TMEM38B: variants seen among roughly 807,000 people sequenced by gnomAD.
The protein encoded by TMEM38B is transmembrane protein 38B.
A neutral mutation model predicts 28.7 loss-of-function variants in TMEM38B; 24 were observed. The observed-to-expected ratio is 0.84, with a 90% CI of 0.61 to 1.18. The LOEUF is 1.18. Among genes scored for constraint, TMEM38B ranks in the 50% most tolerant of loss-of-function variants. The pLI, the probability that TMEM38B is intolerant of heterozygous loss-of-function variation, is 0.00. For synonymous variants in TMEM38B, 131 were observed against 127.7 expected, an observed-to-expected ratio of 1.03 and a Z score of -0.17; for missense variants, 380 against 350.9, an observed-to-expected ratio of 1.08 and a Z score of -0.66.
chr9:105,746,406 G>A (rs930947297), intron 4 of TMEM38B, among the ~76,000 whole-genome samples: 6 of 152,164 alleles, frequency 3.9e-5, no homozygotes, highest in Non-Finnish European at 8.8e-5. Flanking sequence ...AAGAATGCTC[G>A]TGATTTTTGC....
At chr9:105,726,722 A>AT (rs2133584401) in intron 4 of TMEM38B, among the ~76,000 whole-genome samples, 1 of 152,280 alleles carries the variant, frequency 6.6e-6, no homozygotes, top group Admixed American at 6.5e-5. Context: ...CTATCTTTTA[A>AT]TTGGAGGGCT....
chr9:105,754,681 A>G (rs1837771323), intron 5 of TMEM38B, among the ~76,000 whole-genome samples: 1 of 152,170 alleles, frequency 6.6e-6, no homozygotes, highest in Admixed American at 6.6e-5. Flanking sequence ...ACCTAGAAAG[A>G]TCTCAAGTTA....
At position 105,759,029 on chromosome 9, in the gene TMEM38B, A is replaced by G; in HGVS notation, c.660+10839A>G. ...ATACAAGTAAACATGGAGTAGTTAC[A>G]CTACAAAACAAATCAGATGACCTCC... On this transcript the variant is annotated intron_variant, in intron 5 of 5. Coordinates refer to ENST00000374692, the MANE Select transcript of TMEM38B (RefSeq NM_018112.3). The G allele has an allele frequency of 6.7e-6, 6 of 896,934 alleles. No individual in the cohort carries two copies. The Admixed American group carries it at 1.0e-4, about 15-fold the overall frequency. The allele number at this position is 896,934 out of a possible 1,614,324, so 55.6% of individuals were successfully genotyped here. A position where few individuals can be genotyped will look rare whatever the true frequency, so the allele number is the denominator to read the frequency against.
At chr9:105,754,063 CAAAG>C (rs1427817057) in intron 5 of TMEM38B, among the ~76,000 whole-genome samples, 3 of 152,108 alleles carry the variant, frequency 2.0e-5, no homozygotes, top group Non-Finnish European at 4.4e-5. Flanking sequence ...TAAAAAAAGA[CAAAG>C]AAGTGCATTG....
At chr9:105,710,567 A>T in intron 2 of TMEM38B, 1 of 935,646 alleles carries the variant, frequency 1.1e-6, no homozygotes, top group Non-Finnish European at 1.8e-6. Flanking sequence ...CTTTCTGTCC[A>T]AATTATATAA....
chr9:105,765,091 T>G (rs1826320623), intron 5 of TMEM38B, among the ~76,000 whole-genome samples: 1 of 152,220 alleles, frequency 6.6e-6, no homozygotes. Context: ...TCAAGATGGA[T>G]TAAAGAAACT....
chr9:105,734,174 T>G (rs917286419), intron 4 of TMEM38B, among the ~76,000 whole-genome samples: 1 of 152,156 alleles, frequency 6.6e-6, no homozygotes, highest in Non-Finnish European at 1.5e-5. Context: ...ATTTTTAAAT[T>G]TCCTTTTTGA....
chr9:105,758,052 T>A (rs1837897434), intron 5 of TMEM38B: 1 of 291,144 alleles, frequency 3.4e-6, no homozygotes, highest in East Asian at 7.0e-5. Flanking sequence ...TAGCAGATGC[T>A]ATTCAAATCG....
chr9:105,756,048 T>C (rs1400715593), intron 5 of TMEM38B, among the ~76,000 whole-genome samples: 1 of 152,092 alleles, frequency 6.6e-6, no homozygotes, highest in East Asian at 1.9e-4. Flanking sequence ...CTGGCCAACA[T>C]GGTGAAATCC....
At chr9:105,769,852 G>A (rs1826490507) in intron 5 of TMEM38B, among the ~76,000 whole-genome samples, 1 of 152,144 alleles carries the variant, frequency 6.6e-6, no homozygotes, top group Non-Finnish European at 1.5e-5. Flanking sequence ...AGACAGGAGT[G>A]AGGACAGAGC....
intron 4 of TMEM38B, among the ~76,000 whole-genome samples, chr9:105,732,135 C>G (rs1388562450): frequency 6.6e-6 from 1 of 152,170 alleles, no homozygotes; most frequent in African/African-American, 2.4e-5. Context: ...ATATCCTTCA[C>G]CCACTTTTCG....
intron 5 of TMEM38B, among the ~76,000 whole-genome samples, chr9:105,768,077 C>A (rs1826431790): frequency 6.6e-6 from 1 of 151,952 alleles, no homozygotes; most frequent in Admixed American, 6.6e-5. Flanking sequence ...TTATAGATAT[C>A]CTTTATGAGG....
intron 1 of TMEM38B, chr9:105,701,431 A>C (rs1835456982): frequency 6.6e-6 from 1 of 152,220 alleles, no homozygotes; most frequent in Non-Finnish European, 1.5e-5. Flanking sequence ...CAAGACTGTA[A>C]TGGTTGAACA....
chr9:105,721,442 G>T (rs1836312776), intron 2 of TMEM38B, 95 bp from the exon 3 acceptor site: 1 of 916,948 alleles, frequency 1.1e-6, no homozygotes, highest in South Asian at 2.5e-5. Context: ...TCCATTTGTT[G>T]TGTTTTGCCA....
intron 5 of TMEM38B, among the ~76,000 whole-genome samples, chr9:105,765,403 A>T (rs926362302): frequency 2.0e-5 from 3 of 152,176 alleles, no homozygotes; most frequent in Non-Finnish European, 1.5e-5. Flanking sequence ...CATTTTGATG[A>T]GTTTTGACAA....
At chr9:105,723,106 A>G (rs1209340797) in intron 4 of TMEM38B, among the ~76,000 whole-genome samples, 1 of 152,202 alleles carries the variant, frequency 6.6e-6, no homozygotes, top group Admixed American at 6.5e-5. Context: ...AAAAAATGTC[A>G]GTTGAGCTTA....
At chr9:105,760,180 C>A in intron 5 of TMEM38B, 3 of 914,112 alleles carry the variant, frequency 3.3e-6, no homozygotes, top group Non-Finnish European at 3.7e-6. Context: ...ACTTTTAATG[C>A]GTATGATTTC....
At chr9:105,705,147 C>T (rs1386680592) in intron 1 of TMEM38B, among the ~76,000 whole-genome samples, 2 of 152,150 alleles carry the variant, frequency 1.3e-5, no homozygotes, top group African/African-American at 4.8e-5. Context: ...TTTTGTTACT[C>T]TGTTTCTCAC....
At chr9:105,742,981 C>T (rs893927656) in intron 4 of TMEM38B, among the ~76,000 whole-genome samples, 1 of 151,942 alleles carries the variant, frequency 6.6e-6, no homozygotes, top group African/African-American at 2.4e-5. Flanking sequence ...TAGAGACCAC[C>T]GTTCTAAAAC....
Sources: allele counts gnomAD v4.1 joint callset (sites outside exome capture counted in the v4.1 genomes callset), GRCh38; gene constraint gnomAD v4.1.1; transcripts MANE v1.5; gene names NCBI Gene and HGNC (gene_info 2026-07-23, HGNC 2026-07-21).